The following PCDH15 variants were observed in gnomAD, a reference collection of about 807,000 sequenced individuals.
PCDH15 encodes the protein protocadherin related 15.
A neutral mutation model predicts 178.5 loss-of-function variants in PCDH15; 129 were observed. The observed-to-expected ratio is 0.72, with a 90% CI of 0.63 to 0.84. The LOEUF is 0.84. Among genes scored for constraint, PCDH15 ranks in the 40% least tolerant of loss-of-function variants. The pLI is 0.00. For missense variants in PCDH15, 2,230 were observed against 2,099.9 expected (o/e 1.06, Z -1.21); for synonymous variants, 800 against 732.0 (o/e 1.09, Z -1.50).
intron 3 of PCDH15, among the ~76,000 whole-genome samples, chr10:54,522,899 G>A (rs987073958): frequency 6.6e-6 from 1 of 152,106 alleles, no homozygotes; most frequent in African/African-American, 2.4e-5. Flanking sequence ...AAATTTGGGA[G>A]AATAATTTTA....
At chr10:54,732,070 T>C (rs1943480946) in intron 1 of PCDH15, among the ~76,000 whole-genome samples, 1 of 150,854 alleles carries the variant, frequency 6.6e-6, no homozygotes, top group South Asian at 2.1e-4. Flanking sequence ...GTACATCTAT[T>C]ATGAATCAAT....
intron 2 of PCDH15, chr10:54,619,076 ACTGAT>A (rs2134392290): frequency 6.6e-6 from 1 of 152,188 alleles, no homozygotes; most frequent in Admixed American, 6.6e-5. Context: ...AAAGTCAAAC[ACTGAT>A]CTTCAATATT....
chr10:54,872,928 A>G (rs896244717), intron 3 of PCDH15, among the ~76,000 whole-genome samples: 4 of 152,092 alleles, frequency 2.6e-5, no homozygotes, highest in Admixed American at 2.6e-4. Flanking sequence ...GTGTTGAGGC[A>G]CCAAACCAAG....
At chr10:54,086,772 G>A (rs1248292720) in intron 16 of PCDH15, among the ~76,000 whole-genome samples, 1 of 152,158 alleles carries the variant, frequency 6.6e-6, no homozygotes, top group Non-Finnish European at 1.5e-5. Context: ...TTCTGCTTTA[G>A]CTTTCCTGGA....
chr10:54,380,147 G>C (rs1372190294), intron 3 of PCDH15, among the ~76,000 whole-genome samples: 2 of 151,936 alleles, frequency 1.3e-5, no homozygotes, highest in African/African-American at 2.4e-5. Flanking sequence ...ATCCGCCTAA[G>C]AAATGCTGGA....
chr10:55,145,832 G>A (rs946140304), intron 2 of PCDH15, among the ~76,000 whole-genome samples: 7 of 151,698 alleles, frequency 4.6e-5, no homozygotes, highest in African/African-American at 9.7e-5. Context: ...AGAAATCACT[G>A]CTTTTAAAAA....
chr10:55,252,379 T>C (rs953561035), intron 1 of PCDH15, among the ~76,000 whole-genome samples: 12 of 152,158 alleles, frequency 7.9e-5, no homozygotes, highest in Non-Finnish European at 1.2e-4. Flanking sequence ...AATCCTGTCT[T>C]AGAATAAAGA....
chr10:55,107,555 G>A (rs763456991), intron 2 of PCDH15, among the ~76,000 whole-genome samples: 4 of 132,672 alleles, frequency 3.0e-5, no homozygotes, highest in Non-Finnish European at 1.5e-5. Flanking sequence ...GCAATGGCAC[G>A]ATCTTGGCTC....
At chr10:54,417,379 T>C (rs192016535) in intron 3 of PCDH15, among the ~76,000 whole-genome samples, 2 of 152,014 alleles carry the variant, frequency 1.3e-5, no homozygotes, top group Non-Finnish European at 1.5e-5. Context: ...AATGACGAAA[T>C]GGGGAGTGAT....
chr10:54,978,596 T>C (rs944914969), intron 2 of PCDH15, among the ~76,000 whole-genome samples: 2 of 152,212 alleles, frequency 1.3e-5, no homozygotes, highest in East Asian at 3.9e-4. Flanking sequence ...GAAGAAAATG[T>C]CCATTTTTAA....
At chr10:54,167,302 C>T (rs1174738659) in intron 13 of PCDH15, among the ~76,000 whole-genome samples, 1 of 152,140 alleles carries the variant, frequency 6.6e-6, no homozygotes, top group Non-Finnish European at 1.5e-5. Context: ...ACTCTCTTCT[C>T]CAACCTCTCT....
chr10:55,370,294 C>T (rs1347179269), intron 2 of PCDH15, among the ~76,000 whole-genome samples: 5 of 151,990 alleles, frequency 3.3e-5, no homozygotes, highest in African/African-American at 1.2e-4. Context: ...TTGAACCAAC[C>T]AGATTGGCTT....
At chr10:54,268,569 A>T (rs959583457) in intron 8 of PCDH15, among the ~76,000 whole-genome samples, 1 of 151,946 alleles carries the variant, frequency 6.6e-6, no homozygotes, top group Admixed American at 6.6e-5. Flanking sequence ...ACCATGGAAT[A>T]CTATGCATCC....
rs1591138488 is a variant in PCDH15 at position 54,700,248 on chromosome 10, C to T, written c.-28-35958G>A. On this transcript the variant is annotated intron_variant, in intron 1 of 37. Coordinates refer to ENST00000644397, the MANE Select transcript of PCDH15 (RefSeq NM_001384140.1). ...GCAGCAACTTCCAAGATTGAAGGAACATCTGCCCACACAGATTAGAATGTA... is the reference window on the plus strand; with the variant it reads ...GCAGCAACTTCCAAGATTGAAGGAATATCTGCCCACACAGATTAGAATGTA... Among the ~76,000 whole-genome samples, 3 of 152,190 alleles carry T rather than the reference C, an allele frequency of 2.0e-5. No individual in the cohort carries two copies. The South Asian group carries it at 6.2e-4, about 32-fold the overall frequency.
intron 3 of PCDH15, among the ~76,000 whole-genome samples, chr10:54,818,437 C>T (rs748163605): frequency 2.0e-5 from 3 of 151,962 alleles, no homozygotes; most frequent in South Asian, 2.1e-4. Flanking sequence ...AGTGTATAAC[C>T]TCTTTCCTTG....
At chr10:55,055,444 T>C (rs1166468709) in intron 2 of PCDH15, among the ~76,000 whole-genome samples, 2 of 152,236 alleles carry the variant, frequency 1.3e-5, no homozygotes, top group East Asian at 3.9e-4. Context: ...ACACTAGCCT[T>C]CGTATATATC....
chr10:54,361,576 T>C (rs1946057902), intron 5 of PCDH15, among the ~76,000 whole-genome samples: 1 of 151,942 alleles, frequency 6.6e-6, no homozygotes, highest in Non-Finnish European at 1.5e-5. Flanking sequence ...CTAAGTCCAT[T>C]AGAAATTAAT....
At chr10:55,088,360 C>T (rs1468976420) in intron 2 of PCDH15, among the ~76,000 whole-genome samples, 1 of 151,908 alleles carries the variant, frequency 6.6e-6, no homozygotes, top group Non-Finnish European at 1.5e-5. Context: ...CCTCCGCCTC[C>T]CAAGTTTAAG....
chr10:55,407,588 G>A (rs554637575), intron 2 of PCDH15, among the ~76,000 whole-genome samples: 2 of 152,126 alleles, frequency 1.3e-5, no homozygotes, highest in Non-Finnish European at 2.9e-5. Flanking sequence ...ATTTTCTCCA[G>A]CAGGGAAAAG....
Sources: gnomAD v4.1 joint callset for allele counts (sites outside exome capture counted in the v4.1 genomes callset) on GRCh38, gnomAD v4.1.1 for gene constraint, MANE v1.5 for transcripts, NCBI Gene and HGNC (gene_info 2026-07-23, HGNC 2026-07-21) for gene names.